ADAM12: variants seen among roughly 807,000 people sequenced by gnomAD.
ADAM12 encodes disintegrin and metalloproteinase domain-containing protein 12.
ADAM12 carries 70 observed loss-of-function variants against 106.4 expected under a neutral mutation model. The ratio of observed to expected loss-of-function variants is 0.66; its 90% CI spans 0.54 to 0.80. The LOEUF (loss-of-function observed/expected upper bound fraction) is 0.80. Ranked by LOEUF, ADAM12 falls within the 30% of genes least tolerant of loss-of-function variation. ADAM12 has a pLI of 0.00. For synonymous variants in ADAM12, 420 were observed against 433.5 expected (o/e 0.97, Z 0.39); for missense variants, 1,010 against 1,171.9 (o/e 0.86, Z 2.02).
intron 1 of ADAM12, among the ~76,000 whole-genome samples, chr10:126,366,386 C>A (rs558429204): frequency 6.6e-6 from 1 of 151,942 alleles, no homozygotes; most frequent in Admixed American, 6.6e-5. Flanking sequence ...CTATAACTCT[C>A]TAAGTTAAAG....
chr10:126,247,490 G>A (rs990348139), intron 3 of ADAM12, among the ~76,000 whole-genome samples: 1 of 152,156 alleles, frequency 6.6e-6, no homozygotes, highest in Non-Finnish European at 1.5e-5. Context: ...AACAATTATT[G>A]TTAGATATTT....
chr10:126,263,285 C>CAG (rs1419514816), intron 3 of ADAM12, among the ~76,000 whole-genome samples: 1 of 152,066 alleles, frequency 6.6e-6, no homozygotes, highest in Non-Finnish European at 1.5e-5. Flanking sequence ...AATGGAGCCC[C>CAG]AGAAAACCAT....
At chr10:126,228,223 C>T (rs1958238782) in intron 3 of ADAM12, among the ~76,000 whole-genome samples, 1 of 152,086 alleles carries the variant, frequency 6.6e-6, no homozygotes, top group Non-Finnish European at 1.5e-5. Context: ...GTAACTGTAC[C>T]CCCCAATATG....
intron 11 of ADAM12, among the ~76,000 whole-genome samples, chr10:126,078,324 C>T (rs573639404): frequency 6.6e-6 from 1 of 152,294 alleles, no homozygotes; most frequent in African/African-American, 2.4e-5. Flanking sequence ...CCAATATGAC[C>T]TGAACCTGGT....
At chr10:126,172,655 G>C (rs1051356638) in intron 3 of ADAM12, among the ~76,000 whole-genome samples, 91 of 152,198 alleles carry the variant, frequency 6.0e-4, no homozygotes, top group African/African-American at 2.2e-3. Context: ...TACACTGTTG[G>C]TGGGAGTGTA....
chr10:126,135,456 G>C, intron 5 of ADAM12, 128 bp downstream of exon 5: 1 of 844,506 alleles, frequency 1.2e-6, no homozygotes. Context: ...CTCTTGCCTA[G>C]GTGGAGGTGT....
chr10:126,230,780 C>T (rs192809871), intron 3 of ADAM12, among the ~76,000 whole-genome samples: 10 of 152,266 alleles, frequency 6.6e-5, no homozygotes, highest in East Asian at 1.9e-4. Flanking sequence ...ATTTATGCTG[C>T]CAATATTTTT....
chr10:126,314,109 T>C (rs1217388276), intron 2 of ADAM12, among the ~76,000 whole-genome samples: 1 of 151,768 alleles, frequency 6.6e-6, no homozygotes, highest in East Asian at 1.9e-4. Context: ...AGGAATAAGA[T>C]GAGAAGCCAA....
intron 2 of ADAM12, among the ~76,000 whole-genome samples, chr10:126,318,162 T>C (rs762311652): frequency 3.5e-4 from 53 of 152,154 alleles, no homozygotes; most frequent in Admixed American, 1.0e-3. Context: ...ATGAACCCAG[T>C]GCAGCTTGCA....
chr10:126,140,658 TGA>T, intron 4 of ADAM12, among the ~76,000 whole-genome samples: 1 of 152,366 alleles, frequency 6.6e-6, no homozygotes, highest in East Asian at 1.9e-4. Flanking sequence ...ACCATAATTA[TGA>T]GAACTCCAAA....
At chr10:126,208,362 C>T (rs1957835541) in intron 3 of ADAM12, among the ~76,000 whole-genome samples, 2 of 152,108 alleles carry the variant, frequency 1.3e-5, no homozygotes, top group South Asian at 4.2e-4. Context: ...AGAATTATCC[C>T]CTCCTCTGCA....
At chr10:126,382,438 CT>C (rs1447438447) in intron 1 of ADAM12, among the ~76,000 whole-genome samples, 1 of 152,240 alleles carries the variant, frequency 6.6e-6, no homozygotes, top group Non-Finnish European at 1.5e-5. Flanking sequence ...TACAAGCATA[CT>C]TAACGGCAAC....
At chr10:126,292,899 C>T (rs1960217343) in intron 2 of ADAM12, among the ~76,000 whole-genome samples, 2 of 152,294 alleles carry the variant, frequency 1.3e-5, no homozygotes, top group Admixed American at 1.3e-4. Context: ...AGGAAAGCAT[C>T]AAAATCGCCT....
intron 2 of ADAM12, among the ~76,000 whole-genome samples, chr10:126,325,888 AATGCAG>A (rs148044448): frequency 0.016 from 2,425 of 152,218 alleles, 33 homozygotes; most frequent in Non-Finnish European, 0.026. Flanking sequence ...AGAGGGAGGG[AATGCAG>A]ATAAGTTTAT....
At chr10:126,280,508 T>A (rs191949308) in intron 2 of ADAM12, among the ~76,000 whole-genome samples, 204 of 152,332 alleles carry the variant, frequency 1.3e-3, no homozygotes, top group African/African-American at 4.8e-3. Flanking sequence ...ACAGCACAGA[T>A]ATAGAGCATT....
chr10:126,035,811 T>C (rs549421505), intron 21 of ADAM12, among the ~76,000 whole-genome samples: 2 of 152,338 alleles, frequency 1.3e-5, no homozygotes, highest in South Asian at 4.1e-4. Context: ...CTGTCTTAGA[T>C]TGCCTGTCTC....
At chr10:126,213,228 T>A (rs756764116) in intron 3 of ADAM12, among the ~76,000 whole-genome samples, 1 of 152,232 alleles carries the variant, frequency 6.6e-6, no homozygotes, top group Non-Finnish European at 1.5e-5. Flanking sequence ...AAAAGCATCA[T>A]AAACCAGAAT....
intron 3 of ADAM12, among the ~76,000 whole-genome samples, chr10:126,211,558 G>A (rs1027016516): frequency 7.2e-5 from 11 of 152,136 alleles, no homozygotes; most frequent in South Asian, 2.1e-4. Flanking sequence ...TCCTGGACCC[G>A]CTAGTAGTCA....
intron 3 of ADAM12, among the ~76,000 whole-genome samples, chr10:126,183,823 A>G (rs1447789529): frequency 6.6e-6 from 1 of 152,234 alleles, no homozygotes; most frequent in Non-Finnish European, 1.5e-5. Flanking sequence ...AGTAAATTAT[A>G]GAAGGTTTTG....
Sources: allele counts gnomAD v4.1 joint callset (sites outside exome capture counted in the v4.1 genomes callset), GRCh38; gene constraint gnomAD v4.1.1; transcripts MANE v1.5; gene names NCBI Gene and HGNC (gene_info 2026-07-23, HGNC 2026-07-21).